WDR83: variants seen among roughly 807,000 people sequenced by gnomAD.
WDR83 encodes WD repeat domain-containing protein 83.
Under a neutral mutation model 37.7 loss-of-function variants are expected in WDR83, and 37 were observed. That is an observed-to-expected ratio of 0.98 (90% CI 0.76 to 1.29). The LOEUF (loss-of-function observed/expected upper bound fraction) is 1.29. Among genes scored for constraint, WDR83 ranks in the 50% most tolerant of loss-of-function variants. WDR83 has a pLI of 0.00. For missense variants in WDR83, 445 were observed against 414.4 expected (o/e 1.07, Z -0.64); for synonymous variants, 174 against 181.1 (o/e 0.96, Z 0.31).
chr19:12,668,010 T>C, intron 1 of WDR83: 1 of 246,740 alleles, frequency 4.1e-6, no homozygotes, highest in South Asian at 4.9e-5. Context: ...ACCAGGCCTA[T>C]GGGGCTAGAG....
At chr19:12,668,762 C>G (rs1286520645) in intron 2 of WDR83, 135 bp downstream of exon 2, 1 of 701,340 alleles carries the variant, frequency 1.4e-6, no homozygotes, top group African/African-American at 1.8e-5. Flanking sequence ...TCAGTCCCAC[C>G]TGCTCATGGC....
Position 12,666,824 on chromosome 19 carries a change from G to C in WDR83, c.-325G>C. ...GCCAGGGCGCGGTCTGGAGGCTCAC[G>C]GGAGAGAGGCTGTAGCCCTGGGCAA... On this transcript the variant is annotated 5_prime_UTR_variant, in exon 1 of 11. Transcript: ENST00000418543. 5.2e-6 allele frequency: 5 copies of C among 963,086 alleles called. No homozygotes were observed. The highest frequency in any genetic ancestry group is 2.9e-5 in the Admixed American group (1 of 35,004). 59.7% of individuals were successfully genotyped at this position (963,086 alleles called of 1,614,324 possible).
intron 5 of WDR83, 76 bp downstream of exon 5, chr19:12,670,361 C>T: frequency 6.5e-7 from 1 of 1,542,876 alleles, no homozygotes; most frequent in South Asian, 1.2e-5. Context: ...ACGGCCACCC[C>T]CATTACACCG....
chr19:12,670,397 TC>T (rs1234777710), intron 5 of WDR83, 112 bp downstream of exon 5: 1 of 1,499,418 alleles, frequency 6.7e-7, no homozygotes, highest in African/African-American at 1.4e-5. Context: ...CAGATGACGA[TC>T]CCCCACTCCG....
At chr19:12,669,384 G>A (rs1258880151) in intron 2 of WDR83, 4 of 1,600,804 alleles carry the variant, frequency 2.5e-6, no homozygotes, top group Admixed American at 1.7e-5. Context: ...CCGTGGGTCC[G>A]ACATATTGTT....
At chr19:12,668,194 G>T in intron 1 of WDR83, 1 of 666,528 alleles carries the variant, frequency 1.5e-6, no homozygotes, top group Non-Finnish European at 2.6e-6. Flanking sequence ...GGTAAGCCTA[G>T]GGTGTTCCCT....
In WDR83 at chr19:12,670,291, T is replaced by G. The variant is rs766459479; in HGVS notation, c.330+6T>G. On this transcript the variant is annotated splice_donor_region_variant and intron_variant, in intron 5 of 10. Transcript: ENST00000418543. ...AATTCCGGGGCCACGCAGGGGTGAG[T>G]GAAAGCCTGGAGACCCTCATTTGAG... 6.2e-7 allele frequency: 1 copy of G among 1,612,584 alleles called. No individual in the cohort carries two copies.
At position 12,672,914 on chromosome 19, in the gene WDR83, A is replaced by C; in HGVS notation, c.574A>C (p.Ser192Arg). Residue 192 changes from serine (S) to arginine (R), a missense_variant and splice_region_variant, in exon 8 of 11, where the codon AGC becomes CGC. By Grantham distance (110) the Ser-to-Arg change is moderately radical (BLOSUM62 -1). Transcript: ENST00000418543. ...GCAGCTCTTCTCAGACTACGTGGGC[A>C]GTGAGTGTGGCTGGGGATGTGGGAC... Reference protein sequence around the residue: ...MGQLFSDYVGSPITCTCFSRD... With the variant: ...MGQLFSDYVGRPITCTCFSRD... The C allele has an allele frequency of 6.3e-7, 1 of 1,599,870 alleles. No homozygotes were observed. Among genetic ancestry groups the C allele is most frequent in the Non-Finnish European group, 8.5e-7 (1 of 1,173,188 alleles).
In WDR83 at chr19:12,670,291, T is replaced by A. The variant is rs766459479; in HGVS notation, c.330+6T>A. 3.7e-6 allele frequency: 6 copies of A among 1,612,466 alleles called. No individual in the cohort carries two copies. The highest frequency in any genetic ancestry group is 4.2e-6 in the Non-Finnish European group (5 of 1,179,236). On this transcript the variant is annotated splice_donor_region_variant and intron_variant, in intron 5 of 10. Transcript: ENST00000418543. ...AATTCCGGGGCCACGCAGGGGTGAG[T>A]GAAAGCCTGGAGACCCTCATTTGAG...
At chr19:12,668,809 G>T (rs916899427) in intron 2 of WDR83, among the ~76,000 whole-genome samples, 182 bp downstream of exon 2, 4 of 152,050 alleles carry the variant, frequency 2.6e-5, no homozygotes, top group Admixed American at 2.6e-4. Flanking sequence ...CTACTGTCTG[G>T]CCTGCGTCTC....
intron 7 of WDR83, chr19:12,672,500 C>T (rs562468366): frequency 2.2e-5 from 7 of 317,086 alleles, no homozygotes; most frequent in East Asian, 7.6e-5. Context: ...CCCATCTACT[C>T]GGGAGGCTGA....
chr19:12,670,208 G>A lies in WDR83; in HGVS notation c.253G>A (p.Gly85Ser), dbSNP rs757532536. 2 of 1,614,116 alleles carry A rather than the reference G, an allele frequency of 1.2e-6. No homozygotes were observed. The highest frequency in any genetic ancestry group is 1.7e-5 in the Admixed American group (1 of 60,016). ...CTTTGACAACAGTAGTCTCTGCTCCGGCGGCGGGGACAAGGCGGTGGTTCT... is the reference window on the plus strand; with the variant it reads ...CTTTGACAACAGTAGTCTCTGCTCCAGCGGCGGGGACAAGGCGGTGGTTCT... ...GSFDNSSLCS[G>S]GGDKAVVLWD... The change falls in exon 5 of 11, where the codon GGC (glycine) becomes AGC (serine). Residue 85 changes from glycine to serine, a missense_variant. Gly to Ser is a moderately conservative substitution (Grantham distance 56). Transcript: ENST00000418543.
chr19:12,670,132 A>G (rs779056413), intron 4 of WDR83, 35 bp downstream of exon 4: 1 of 1,606,854 alleles, frequency 6.2e-7, no homozygotes, highest in South Asian at 1.1e-5. Flanking sequence ...GGGAGCGCTG[A>G]GGCTGGGATC....
At chr19:12,675,013 C>T (rs768651678) in intron 10 of WDR83, among the ~76,000 whole-genome samples, 1 of 152,036 alleles carries the variant, frequency 6.6e-6, no homozygotes, top group Non-Finnish European at 1.5e-5. Flanking sequence ...ACTCGGGAGG[C>T]TGAGGCAGGA....
In WDR83 at chr19:12,673,255, G is replaced by T. The variant is rs199685737; in HGVS notation, c.737G>T (p.Arg246Leu). 7.4e-6 allele frequency: 12 copies of T among 1,613,994 alleles called. 1 individual carries two copies. Among genetic ancestry groups the T allele is most frequent in the South Asian group, 6.6e-5 (6 of 91,076 alleles). Residue 246 changes from arginine (R) to leucine (L), a missense_variant, in exon 10 of 11, where the codon CGT (arginine) becomes CTT (leucine). Coordinates refer to ENST00000418543, the MANE Select transcript of WDR83 (RefSeq NM_001099737.3). ...AAGCTGGACTGCTGCCTGAGCGAGC[G>T]TGACACACATGTGGTCAGCTGTTCT... ...EYKLDCCLSE[R>L]DTHVVSCSED...
Position 12,675,618 on chromosome 19 carries a change from C to A in WDR83, c.894C>A (p.Gly298=), listed in dbSNP as rs149199108. ...TEPCLLTAMG[G]SVQCWREEAY... ...CCTGCCTGCTGACCGCCATGGGAGG[C>A]AGCGTCCAGTGCTGGCGAGAGGAGG... Residue 298 remains glycine (G), a synonymous_variant, in exon 11 of 11, where the codon GGC becomes GGA. Coordinates refer to ENST00000418543, the MANE Select transcript of WDR83 (RefSeq NM_001099737.3). 3.7e-4 allele frequency: 594 copies of A among 1,603,632 alleles called. 2 individuals carry two copies. Among genetic ancestry groups the A allele is most frequent in the Non-Finnish European group, 4.7e-4 (560 of 1,179,916 alleles).
At chr19:12,669,369 G>C (rs748711528) in intron 2 of WDR83, 1 of 1,602,082 alleles carries the variant, frequency 6.2e-7, no homozygotes, top group Non-Finnish European at 8.5e-7. Flanking sequence ...CACTTTGTTC[G>C]GCCTCCGTGG....
At chr19:12,673,727 T>C (rs1205728410) in intron 10 of WDR83, among the ~76,000 whole-genome samples, 1 of 151,636 alleles carries the variant, frequency 6.6e-6, no homozygotes, top group African/African-American at 2.4e-5. Context: ...TTTTTTCTTT[T>C]TTTGAGACTA....
chr19:12,670,851 C>T (rs769735840), intron 7 of WDR83, 30 bp downstream of exon 7: 3 of 1,601,798 alleles, frequency 1.9e-6, no homozygotes, highest in Non-Finnish European at 8.5e-7. Flanking sequence ...GGTCTCACCC[C>T]AGGTGCTACG....
Sources: gnomAD v4.1 joint callset for allele counts (sites outside exome capture counted in the v4.1 genomes callset) on GRCh38, gnomAD v4.1.1 for gene constraint, MANE v1.5 for transcripts, NCBI Gene and HGNC (gene_info 2026-07-23, HGNC 2026-07-21) for gene names.